Variants in CSMD2 observed in about 807,000 individuals in gnomAD.
CSMD2 encodes the protein CUB and sushi domain-containing protein 2.
A neutral mutation model predicts 398.5 loss-of-function variants in CSMD2; 130 were observed. The ratio of observed to expected loss-of-function variants is 0.33; its 90% CI spans 0.28 to 0.38. The LOEUF (loss-of-function observed/expected upper bound fraction) is 0.38. CSMD2 is among the 10% of genes least tolerant of loss of function. The probability of loss-of-function intolerance (pLI) is 1.00; values close to 1 mark genes in which losing one functional copy is unlikely to be tolerated. For missense variants in CSMD2, 3,829 were observed against 4,764.9 expected, an observed-to-expected ratio of 0.80 and a Z score of 5.78; for synonymous variants, 1,828 against 1,908.5, an observed-to-expected ratio of 0.96 and a Z score of 1.10.
rs761713162 is a variant in CSMD2, at chr1:33,567,701, G to A, written c.8272C>T (p.Arg2758Trp). Reference sequence around the variant, plus strand: ...TTGCATTGGTACACCACACTGCCCCGGTAGCTGTAGTTCTCCCCATTGATG... The same window carrying A: ...TTGCATTGGTACACCACACTGCCCCAGTAGCTGTAGTTCTCCCCATTGATG... Reference protein sequence around the residue: ...GHINGENYSYRGSVVYQCNAG... With the variant: ...GHINGENYSYWGSVVYQCNAG... Residue 2758 changes from arginine to tryptophan, a missense_variant, in exon 53 of 71, where the codon CGG becomes TGG. Transcript: ENST00000373381. The A allele has an allele frequency of 3.1e-6, 5 of 1,613,990 alleles. No individual in the cohort carries two copies. Among genetic ancestry groups the A allele is most frequent in the African/African-American group, 1.3e-5 (1 of 74,902 alleles).
intron 43 of CSMD2, 33 bp from the exon 44 acceptor site, chr1:33,601,043 C>T (rs761678020): frequency 6.2e-7 from 1 of 1,613,024 alleles, no homozygotes; most frequent in Non-Finnish European, 8.5e-7. Context: ...TGGCATGTCA[C>T]TAGTCACCAT....
intron 32 of CSMD2, among the ~76,000 whole-genome samples, chr1:33,628,443 C>T (rs186817790): frequency 7.2e-5 from 11 of 152,022 alleles, no homozygotes; most frequent in African/African-American, 1.9e-4. Context: ...CTGAGGCGGG[C>T]GGATCACCTG....
At chr1:34,111,992 CTCTCTCTCTCTCTCTCTCTCTCTCTCTT>C (rs1661132434) in intron 1 of CSMD2, among the ~76,000 whole-genome samples, 1 of 2,682 alleles carries the variant, frequency 3.7e-4, no homozygotes, top group Non-Finnish European at 9.3e-3. Context: ...TTCTCTCTCT[CTCTCTCTCTCTCTCTCTCTCTCTCTCTT>C]TCTCTCTCTT....
chr1:33,547,579 T>C lies in CSMD2; in HGVS notation c.8918-1360A>G, dbSNP rs72660170. On this transcript the variant is annotated intron_variant, in intron 56 of 70. Transcript: ENST00000373381. ...TTCTCAACCTTGGGATTATTCCCTT[T>C]CCTAGTCTCGACTCAGACTGTGAGA... Among the ~76,000 whole-genome samples, 948 of 152,360 alleles carry C rather than the reference T, an allele frequency of 6.2e-3. 11 individuals carry two copies. The highest frequency in any genetic ancestry group is 6.4e-3 in the Non-Finnish European group (433 of 68,034).
intron 25 of CSMD2, among the ~76,000 whole-genome samples, chr1:33,677,602 TAC>T (rs1644761048): frequency 6.6e-6 from 1 of 152,170 alleles, no homozygotes; most frequent in African/African-American, 2.4e-5. Context: ...GCCATTCCAT[TAC>T]TGGGTATATG....
At chr1:34,162,408 C>T (rs1358033932) in intron 1 of CSMD2, among the ~76,000 whole-genome samples, 1 of 152,144 alleles carries the variant, frequency 6.6e-6, no homozygotes, top group Non-Finnish European at 1.5e-5. Flanking sequence ...CAGTCCTGAG[C>T]ATCTTTTAAA....
intron 10 of CSMD2, among the ~76,000 whole-genome samples, chr1:33,803,933 C>T (rs1277417576): frequency 4.6e-5 from 7 of 152,198 alleles, no homozygotes. Flanking sequence ...GATCTTGTTC[C>T]ATCCAGCAGC....
intron 5 of CSMD2, among the ~76,000 whole-genome samples, chr1:33,896,324 G>T (rs189155382): frequency 6.6e-6 from 1 of 152,176 alleles, no homozygotes; most frequent in Admixed American, 6.5e-5. Context: ...TTTTGCAGTA[G>T]GACCATTTGT....
intron 1 of CSMD2, among the ~76,000 whole-genome samples, chr1:34,107,049 C>T (rs921495519): frequency 1.3e-5 from 2 of 152,154 alleles, no homozygotes; most frequent in Non-Finnish European, 2.9e-5. Flanking sequence ...CTTATTATGC[C>T]ACAGCCCTGG....
rs994186606 is a variant in CSMD2, at chr1:33,518,719, G to A, written c.*53+746C>T. Among the ~76,000 whole-genome samples the A allele has an allele frequency of 2.0e-5, 3 of 152,144 alleles. No homozygotes were observed. The highest frequency in any genetic ancestry group is 4.4e-5 in the Non-Finnish European group (3 of 68,022). On this transcript the variant is annotated intron_variant, in intron 70 of 70. Transcript: ENST00000373381. The surrounding 1 kb of genome is among the most constrained non-coding windows in gnomAD (Gnocchi z 4.3). ...CGTCTCTGACTGCTTTTGGACTCAA[G>A]ATGACAGCATCAACTCCTGCTGGAA...
intron 3 of CSMD2, among the ~76,000 whole-genome samples, chr1:33,977,625 T>C (rs907274121): frequency 1.3e-5 from 2 of 151,858 alleles, no homozygotes; most frequent in Non-Finnish European, 2.9e-5. Context: ...TCCCCATCCT[T>C]TACTGCAGCA....
At chr1:33,856,881 C>T (rs1389855243) in intron 5 of CSMD2, among the ~76,000 whole-genome samples, 1 of 151,858 alleles carries the variant, frequency 6.6e-6, no homozygotes, top group Admixed American at 6.6e-5. Flanking sequence ...CCTTCTTTCC[C>T]CAGTTTATAT....
At chr1:34,128,942 C>T (rs1663029452) in intron 1 of CSMD2, among the ~76,000 whole-genome samples, 1 of 152,122 alleles carries the variant, frequency 6.6e-6, no homozygotes. Context: ...GAATTCACAC[C>T]TGTGCACACA....
intron 24 of CSMD2, among the ~76,000 whole-genome samples, chr1:33,696,048 CA>C (rs1645410523): frequency 6.6e-6 from 1 of 152,222 alleles, no homozygotes; most frequent in South Asian, 2.1e-4. Context: ...ATCTGCACAT[CA>C]AGTACCTAGT....
chr1:34,070,501 C>A (rs1033338330), intron 2 of CSMD2, among the ~76,000 whole-genome samples: 5 of 152,222 alleles, frequency 3.3e-5, no homozygotes, highest in African/African-American at 1.2e-4. Context: ...CAGCTTTCTC[C>A]TCTGCAAAAT....
chr1:33,798,616 G>A (rs1399929146), intron 10 of CSMD2, among the ~76,000 whole-genome samples: 1 of 152,216 alleles, frequency 6.6e-6, no homozygotes, highest in Non-Finnish European at 1.5e-5. Context: ...TTTACCCACA[G>A]CCAGAGCAGG....
At chr1:33,973,892 AG>A (rs1645863554) in intron 3 of CSMD2, among the ~76,000 whole-genome samples, 1 of 152,168 alleles carries the variant, frequency 6.6e-6, no homozygotes, top group Non-Finnish European at 1.5e-5. Flanking sequence ...TGAGAGGGGT[AG>A]GAAGAATCAA....
At chr1:33,902,354 T>C (rs1233914951) in intron 5 of CSMD2, among the ~76,000 whole-genome samples, 1 of 152,090 alleles carries the variant, frequency 6.6e-6, no homozygotes, top group Non-Finnish European at 1.5e-5. Flanking sequence ...AGAAAGACAA[T>C]CAACTCCTGA....
At chr1:33,662,727 G>C (rs1191639234) in intron 26 of CSMD2, among the ~76,000 whole-genome samples, 163 bp downstream of exon 26, 2 of 152,154 alleles carry the variant, frequency 1.3e-5, no homozygotes, top group African/African-American at 4.8e-5. Flanking sequence ...AGTGAGCTCA[G>C]CACAGACATT....
Sources: allele counts gnomAD v4.1 joint callset (sites outside exome capture counted in the v4.1 genomes callset), GRCh38; gene constraint gnomAD v4.1.1; non-coding constraint Gnocchi (gnomAD v3.1); transcripts MANE v1.5; gene names NCBI Gene and HGNC (gene_info 2026-07-23, HGNC 2026-07-21).